FABP7: variants seen among roughly 807,000 people sequenced by gnomAD.
FABP7 encodes fatty acid binding protein 7.
A neutral mutation model predicts 14.2 loss-of-function variants in FABP7; 13 were observed. That is an observed-to-expected ratio of 0.91 (90% CI 0.59 to 1.45). The LOEUF (loss-of-function observed/expected upper bound fraction) is 1.45, where lower values mean the gene tolerates loss of function less well. Ranked by LOEUF, FABP7 falls within the 40% of genes most tolerant of loss-of-function variation. The pLI, the probability that FABP7 is intolerant of heterozygous loss-of-function variation, is 0.00. For missense variants in FABP7, 149 were observed against 157.6 expected (o/e 0.95, Z 0.29); for synonymous variants, 49 against 51.4 (o/e 0.95, Z 0.20).
the FABP7 span, among the ~76,000 whole-genome samples, chr6:122,771,643 C>A: frequency 6.6e-6 from 1 of 152,082 alleles, no homozygotes; most frequent in Non-Finnish European, 1.5e-5. Context: ...TGCATTTGAA[C>A]GCTTATTAAA....
the FABP7 span, among the ~76,000 whole-genome samples, chr6:122,758,566 A>C: frequency 6.6e-6 from 1 of 152,178 alleles, no homozygotes; most frequent in Non-Finnish European, 1.5e-5. Context: ...AATAGTTTTA[A>C]CAAAAAAAAT....
chr6:122,774,595 A>G, the FABP7 span, among the ~76,000 whole-genome samples: 9 of 152,096 alleles, frequency 5.9e-5, no homozygotes, highest in Non-Finnish European at 1.0e-4. Flanking sequence ...AAATGTCAGT[A>G]TATGGAGTTA....
chr6:122,773,563 A>G, the FABP7 span, among the ~76,000 whole-genome samples: 1 of 152,130 alleles, frequency 6.6e-6, no homozygotes, highest in East Asian at 1.9e-4. Context: ...TTTATTGTGT[A>G]ATTACATTTC....
the FABP7 span, among the ~76,000 whole-genome samples, chr6:122,769,131 A>G: frequency 6.6e-6 from 1 of 152,134 alleles, no homozygotes; most frequent in Non-Finnish European, 1.5e-5. Flanking sequence ...ATACCCTGAC[A>G]TTCTCCATTG....
the FABP7 span, among the ~76,000 whole-genome samples, chr6:122,770,371 CA>C: frequency 6.6e-6 from 1 of 152,084 alleles, no homozygotes; most frequent in African/African-American, 2.4e-5. Context: ...CTGCATAACA[CA>C]AGACACTTTT....
the FABP7 span, among the ~76,000 whole-genome samples, chr6:122,771,816 A>G: frequency 6.6e-6 from 1 of 152,322 alleles, no homozygotes; most frequent in South Asian, 2.1e-4. Flanking sequence ...AAACTTAGAA[A>G]AGATCATATG....
At chr6:122,775,008 A>G (rs1415737261), upstream of FABP7, among the ~76,000 whole-genome samples, 1 of 152,096 alleles carries the variant, frequency 6.6e-6, no homozygotes, top group Admixed American at 6.5e-5. Flanking sequence ...AAAATGAAAA[A>G]AAACACACAA....
chr6:122,757,098 A>G, the FABP7 span, among the ~76,000 whole-genome samples: 1 of 152,182 alleles, frequency 6.6e-6, no homozygotes, highest in Admixed American at 6.5e-5. Context: ...TCCTAAGTGT[A>G]TATCTTAACC....
chr6:122,780,987 C>G, intron 2 of FABP7, 106 bp from the exon 3 acceptor site: 1 of 1,306,124 alleles, frequency 7.7e-7, no homozygotes, highest in East Asian at 2.5e-5. Flanking sequence ...ATTAACTGAT[C>G]ATGATTTATT....
At chr6:122,776,443 C>T (rs1220444047), upstream of FABP7, among the ~76,000 whole-genome samples, 1 of 151,918 alleles carries the variant, frequency 6.6e-6, no homozygotes, top group African/African-American at 2.4e-5. Flanking sequence ...CACTTTTTAA[C>T]TCATATGTGG....
intron 3 of FABP7, chr6:122,782,762 G>A: frequency 1.0e-6 from 1 of 985,386 alleles, no homozygotes; most frequent in Non-Finnish European, 1.2e-6. Context: ...AATCAGCACT[G>A]TTCTGCATTG....
At chr6:122,759,029 T>G in the FABP7 span, among the ~76,000 whole-genome samples, 72 of 152,214 alleles carry the variant, frequency 4.7e-4, 1 homozygote, top group Non-Finnish European at 8.7e-4. Context: ...CAACATAATA[T>G]TCTGTTCTCT....
At chr6:122,781,820 CA>C in intron 3 of FABP7, 1 of 578,868 alleles carries the variant, frequency 1.7e-6, no homozygotes, top group Non-Finnish European at 2.2e-6. Flanking sequence ...TGGCTCACTG[CA>C]ACCTCTGCTT....
At chr6:122,780,594 C>T in intron 2 of FABP7, 131 bp downstream of exon 2, 2 of 993,458 alleles carry the variant, frequency 2.0e-6, no homozygotes, top group Non-Finnish European at 3.0e-6. Flanking sequence ...AGGAGAAATA[C>T]ACCAAAGTTA....
the FABP7 span, among the ~76,000 whole-genome samples, chr6:122,766,819 A>C: frequency 6.6e-6 from 1 of 152,080 alleles, no homozygotes; most frequent in African/African-American, 2.4e-5. Context: ...ATTAAACTGG[A>C]AAGGAGGAAA....
the FABP7 span, among the ~76,000 whole-genome samples, chr6:122,757,862 T>C: frequency 6.6e-6 from 1 of 152,116 alleles, no homozygotes; most frequent in South Asian, 2.1e-4. Context: ...AAAATATTAG[T>C]ATTCCCGTTA....
At chr6:122,751,531 G>A in the FABP7 span, among the ~76,000 whole-genome samples, 1 of 152,222 alleles carries the variant, frequency 6.6e-6, no homozygotes, top group South Asian at 2.1e-4. Context: ...AGACCCTTCT[G>A]GTTTCACTTT....
chr6:122,776,611 C>A (rs867131337), upstream of FABP7, among the ~76,000 whole-genome samples: 3 of 152,158 alleles, frequency 2.0e-5, no homozygotes, highest in South Asian at 6.2e-4. Context: ...GATACCACAA[C>A]AGGTTTACTA....
At chr6:122,777,717 T>C (rs1430556579), upstream of FABP7, among the ~76,000 whole-genome samples, 2 of 152,024 alleles carry the variant, frequency 1.3e-5, no homozygotes, top group African/African-American at 4.8e-5. Flanking sequence ...GGCATAATGG[T>C]ACATGTCTGT....
Sources: gnomAD v4.1 joint callset for allele counts (sites outside exome capture counted in the v4.1 genomes callset) on GRCh38, gnomAD v4.1.1 for gene constraint, MANE v1.5 for transcripts, NCBI Gene and HGNC (gene_info 2026-07-23, HGNC 2026-07-21) for gene names.